The following ENTHD1 variants were observed in gnomAD, a reference collection of about 807,000 sequenced individuals.
ENTHD1 encodes ENTH domain containing 1.
In ENTHD1, 23 loss-of-function variants were observed where a neutral mutation model predicts 39.1. That is an observed-to-expected ratio of 0.59 (90% CI 0.42 to 0.83). ENTHD1 has a LOEUF of 0.83. Ranked by LOEUF, ENTHD1 falls within the 40% of genes least tolerant of loss-of-function variation. ENTHD1 has a pLI of 0.00. For synonymous variants in ENTHD1, 230 were observed against 258.2 expected (o/e 0.89, Z 1.05); for missense variants, 624 against 705.4 (o/e 0.88, Z 1.31).
chr22:39,794,222 G>A (rs529709764), intron 5 of ENTHD1, among the ~76,000 whole-genome samples: 11 of 152,066 alleles, frequency 7.2e-5, no homozygotes, highest in Middle Eastern at 3.4e-3. Context: ...TTGTAGCTAC[G>A]GTAAACGGGA....
At chr22:39,790,977 TG>T (rs2065499215) in intron 5 of ENTHD1, among the ~76,000 whole-genome samples, 1 of 152,042 alleles carries the variant, frequency 6.6e-6, no homozygotes, top group Non-Finnish European at 1.5e-5. Flanking sequence ...TGGGTGAGAA[TG>T]TGTGTACGTG....
At chr22:39,820,112 A>G (rs918794594) in intron 5 of ENTHD1, among the ~76,000 whole-genome samples, 3 of 152,166 alleles carry the variant, frequency 2.0e-5, no homozygotes, top group African/African-American at 7.2e-5. Context: ...CATCATTCTC[A>G]CAACTGGCTT....
chr22:39,771,983 T>C (rs543308967), intron 5 of ENTHD1, among the ~76,000 whole-genome samples: 6 of 152,310 alleles, frequency 3.9e-5, no homozygotes, highest in Admixed American at 1.3e-4. Context: ...ATAAAATATA[T>C]GTAACTGTTT....
chr22:39,819,258 G>A (rs1302964008), intron 5 of ENTHD1, among the ~76,000 whole-genome samples: 1 of 151,996 alleles, frequency 6.6e-6, no homozygotes, highest in African/African-American at 2.4e-5. Context: ...CCAGCTACTT[G>A]GGAGACTGAG....
chr22:39,816,945 T>G lies in ENTHD1; in HGVS notation c.832+4048A>C, dbSNP rs1026699476. On this transcript the variant is annotated intron_variant, in intron 5 of 6. Transcript: ENST00000325157. ...GAAATATATCTGATATATATCTCTA[T>G]ATATATAGCTATAAAATCAATTTAA... Among the ~76,000 whole-genome samples, 5 of 151,748 alleles carry G rather than the reference T, an allele frequency of 3.3e-5. No homozygotes were observed. In the East Asian group the frequency reaches 9.6e-4, roughly 29 times the overall value.
At chr22:39,885,757 TA>T (rs1956027212) in intron 2 of ENTHD1, among the ~76,000 whole-genome samples, 1 of 152,180 alleles carries the variant, frequency 6.6e-6, no homozygotes, top group Non-Finnish European at 1.5e-5. Flanking sequence ...ATTCCACTTA[TA>T]AGAGATACCT....
intron 2 of ENTHD1, chr22:39,875,338 G>A (rs2066279265): frequency 1.5e-6 from 2 of 1,334,310 alleles, no homozygotes; most frequent in South Asian, 4.1e-5. Context: ...CCGTCCTGTC[G>A]GCCACGTCCC....
intron 2 of ENTHD1, chr22:39,876,051 C>T: frequency 1.2e-6 from 2 of 1,613,892 alleles, no homozygotes; most frequent in Non-Finnish European, 1.7e-6. Flanking sequence ...TTGGGTCCTG[C>T]TACTCTCAAC....
rs909864437 is a variant in ENTHD1 at position 39,888,617 on chromosome 22, G to A, written c.-155-714C>T. 3.3e-5 allele frequency among the ~76,000 whole-genome samples: 5 copies of A among 152,104 alleles called. No homozygotes were observed. The East Asian group carries it at 5.8e-4, about 18-fold the overall frequency. On this transcript the variant is annotated intron_variant, in intron 1 of 6. Coordinates refer to ENST00000325157, the MANE Select transcript of ENTHD1 (RefSeq NM_152512.4). Reference sequence around the variant, plus strand: ...TAATTTTTGTATTTTTAGTAGAGACGGGGTTTCACCATGTTGGCGAGGCTG... The same window carrying A: ...TAATTTTTGTATTTTTAGTAGAGACAGGGTTTCACCATGTTGGCGAGGCTG...
intron 2 of ENTHD1, among the ~76,000 whole-genome samples, chr22:39,874,814 A>G (rs2146751625): frequency 6.6e-6 from 1 of 152,388 alleles, no homozygotes; most frequent in Non-Finnish European, 1.5e-5. Context: ...AACCAAATTG[A>G]AACAACATTA....
chr22:39,848,728 CT>C (rs1167859645), intron 3 of ENTHD1, among the ~76,000 whole-genome samples: 1 of 152,120 alleles, frequency 6.6e-6, no homozygotes, highest in African/African-American at 2.4e-5. Flanking sequence ...ATCCTCAAAA[CT>C]CTGCCTACCA....
chr22:39,805,369 A>G (rs1784965208), intron 5 of ENTHD1, among the ~76,000 whole-genome samples: 1 of 152,156 alleles, frequency 6.6e-6, no homozygotes, highest in Admixed American at 6.6e-5. Flanking sequence ...GTCCCTTACT[A>G]TGTGAGATGT....
chr22:39,785,790 T>G (rs1490739484), intron 5 of ENTHD1, among the ~76,000 whole-genome samples: 1 of 152,202 alleles, frequency 6.6e-6, no homozygotes, highest in Non-Finnish European at 1.5e-5. Flanking sequence ...GACTGACCAG[T>G]GCTGGAGGAA....
chr22:39,811,995 A>G (rs1052463056), intron 5 of ENTHD1, among the ~76,000 whole-genome samples: 1 of 84,580 alleles, frequency 1.2e-5, no homozygotes, highest in Admixed American at 1.5e-4. Context: ...AACAAAAACA[A>G]AAACAAACAA....
chr22:39,818,296 A>G (rs2065749804), intron 5 of ENTHD1, among the ~76,000 whole-genome samples: 1 of 152,182 alleles, frequency 6.6e-6, no homozygotes. Context: ...TTCCTGCCCC[A>G]GCCTTTGTGT....
At chr22:39,877,873 C>T (rs1343946859) in intron 2 of ENTHD1, among the ~76,000 whole-genome samples, 2 of 152,108 alleles carry the variant, frequency 1.3e-5, no homozygotes, top group African/African-American at 4.8e-5. Flanking sequence ...ACCTGAGATC[C>T]TCTTACTGTA....
At chr22:39,749,700 C>T (rs1453236962) in intron 6 of ENTHD1, among the ~76,000 whole-genome samples, 1 of 152,170 alleles carries the variant, frequency 6.6e-6, no homozygotes, top group East Asian at 1.9e-4. Context: ...TAACTATATA[C>T]AAATTAAAAT....
chr22:39,884,581 G>A (rs2066365999), intron 2 of ENTHD1, among the ~76,000 whole-genome samples: 1 of 151,660 alleles, frequency 6.6e-6, no homozygotes, highest in African/African-American at 2.4e-5. Context: ...AAAGAACAAT[G>A]TTGGAGACTC....
chr22:39,753,607 C>T (rs2065163176), intron 6 of ENTHD1, among the ~76,000 whole-genome samples: 1 of 152,152 alleles, frequency 6.6e-6, no homozygotes, highest in African/African-American at 2.4e-5. Context: ...CTGGACCCTT[C>T]ATATAAACAA....
Sources: gnomAD v4.1 joint callset for allele counts (sites outside exome capture counted in the v4.1 genomes callset) on GRCh38, gnomAD v4.1.1 for gene constraint, MANE v1.5 for transcripts, NCBI Gene and HGNC (gene_info 2026-07-23, HGNC 2026-07-21) for gene names.